CRELD2: variants seen among roughly 807,000 people sequenced by gnomAD.
CRELD2 encodes the protein CRELD disulfide isomerase 2.
A neutral mutation model predicts 48.1 loss-of-function variants in CRELD2; 33 were observed. That is an observed-to-expected ratio of 0.69 (90% CI 0.52 to 0.92). The LOEUF is 0.92. CRELD2 is among the 40% of genes least tolerant of loss of function. The pLI is 0.00. For synonymous variants in CRELD2, 220 were observed against 203.9 expected (o/e 1.08, Z -0.67); for missense variants, 477 against 482.4 (o/e 0.99, Z 0.10).
At chr22:49,927,222 C>G in intron 9 of CRELD2, 33 bp from the exon 10 acceptor site, 1 of 1,604,954 alleles carries the variant, frequency 6.2e-7, no homozygotes, top group Non-Finnish European at 8.5e-7. Context: ...CCTTTGTGCT[C>G]AGCCTTGACG....
chr22:49,923,766 TA>T (rs2060728479), intron 7 of CRELD2: 2 of 298,806 alleles, frequency 6.7e-6, no homozygotes, highest in Non-Finnish European at 1.3e-5. Flanking sequence ...TTTCAACTTA[TA>T]AACTGTGAAC....
At position 49,922,358 on chromosome 22, in the gene CRELD2, C is replaced by T. The variant is rs755063333; in HGVS notation, c.593-254C>T. On this transcript the variant is annotated intron_variant, in intron 5 of 9. Transcript: ENST00000328268. Reference sequence around the variant, plus strand: ...GTCTGTCTCTTGGATGTTGGCGTGGCGTGGGCCACGCATGGATCCGTGGCC... The same window carrying T: ...GTCTGTCTCTTGGATGTTGGCGTGGTGTGGGCCACGCATGGATCCGTGGCC... 2.4e-5 allele frequency: 39 copies of T among 1,610,950 alleles called. No individual in the cohort carries two copies. Among genetic ancestry groups the T allele is most frequent in the Middle Eastern group, 1.6e-4 (1 of 6,078 alleles).
intron 7 of CRELD2, 108 bp downstream of exon 7, chr22:49,923,425 C>G (rs769581013): frequency 2.8e-5 from 23 of 834,816 alleles, no homozygotes; most frequent in Non-Finnish European, 4.0e-5. Flanking sequence ...ATCCTGCCTG[C>G]CCTGAGAACA....
chr22:49,919,929 G>C, intron 3 of CRELD2, 89 bp downstream of exon 3: 1 of 1,066,242 alleles, frequency 9.4e-7, no homozygotes, highest in Non-Finnish European at 1.4e-6. Context: ...TACAGGAACA[G>C]TAGGGAGCTC....
chr22:49,919,337 G>A, intron 2 of CRELD2, 25 bp downstream of exon 2: 1 of 1,606,728 alleles, frequency 6.2e-7, no homozygotes, highest in African/African-American at 1.3e-5. Flanking sequence ...GCACCCCTGT[G>A]GGTCTTGGCC....
At chr22:49,920,281 C>T (rs371045417) in intron 4 of CRELD2, 34 bp downstream of exon 4, 76 of 1,372,478 alleles carry the variant, frequency 5.5e-5, no homozygotes, top group Admixed American at 8.6e-5. Flanking sequence ...CCATCTCCTA[C>T]GTCACTTCCC....
At chr22:49,925,313 C>T (rs574582658) in intron 8 of CRELD2, 104 bp from the exon 9 acceptor site, 5 of 803,114 alleles carry the variant, frequency 6.2e-6, no homozygotes, top group Admixed American at 2.4e-5. Flanking sequence ...CGTTTGTCAT[C>T]GTTGTGCTTT....
intron 9 of CRELD2, 23 bp downstream of exon 9, chr22:49,925,580 A>G (rs780563970): frequency 1.2e-5 from 20 of 1,612,458 alleles, no homozygotes; most frequent in Non-Finnish European, 1.7e-5. Context: ...GCTGCCCTCC[A>G]CACAGGCTGC....
At position 49,922,370 on chromosome 22, in the gene CRELD2, A is replaced by G. The variant is rs548409518; in HGVS notation, c.593-242A>G. On this transcript the variant is annotated intron_variant, in intron 5 of 9. Coordinates refer to ENST00000328268, the MANE Select transcript of CRELD2 (RefSeq NM_024324.5). ...GATGTTGGCGTGGCGTGGGCCACGC[A>G]TGGATCCGTGGCCGGAACACGCACA... 389 of 1,611,274 alleles carry G rather than the reference A, an allele frequency of 2.4e-4. 5 individuals carry two copies. The South Asian group carries it at 4.0e-3, about 16-fold the overall frequency.
intron 2 of CRELD2, 77 bp downstream of exon 2, chr22:49,919,389 T>TC: frequency 2.2e-6 from 3 of 1,352,090 alleles, no homozygotes; most frequent in Non-Finnish European, 3.2e-6. Flanking sequence ...TTGGTGCCTG[T>TC]GTTAATGACA....
chr22:49,927,153 C>A, intron 9 of CRELD2, 102 bp from the exon 10 acceptor site: 1 of 1,047,534 alleles, frequency 9.5e-7, no homozygotes, highest in South Asian at 1.3e-5. Flanking sequence ...TGAGCCAGGA[C>A]TGGACGGGCA....
intron 7 of CRELD2, chr22:49,923,818 G>T: frequency 3.8e-6 from 1 of 260,360 alleles, no homozygotes; most frequent in Non-Finnish European, 7.5e-6. Flanking sequence ...GATTTTCTGT[G>T]GATTAATTTC....
intron 9 of CRELD2, chr22:49,925,861 G>C (rs950596174): frequency 1.3e-6 from 1 of 750,908 alleles, no homozygotes; most frequent in Non-Finnish European, 1.8e-6. Context: ...AGAAGAGGCA[G>C]CTAAAGAGCT....
At position 49,919,360 on chromosome 22, in the gene CRELD2, G is replaced by A. The variant is rs748447335; in HGVS notation, c.212+48G>A. 4 of 1,557,266 alleles carry A rather than the reference G, an allele frequency of 2.6e-6. No individual in the cohort carries two copies. In the African/African-American group the frequency reaches 5.4e-5, roughly 21 times the overall value. On this transcript the variant is annotated intron_variant, in intron 2 of 9. Coordinates refer to ENST00000328268, the MANE Select transcript of CRELD2 (RefSeq NM_024324.5). ...GTGGGTCTTGGCCTGGCGCTGTCCT[G>A]GGAAGTCGTGTCCTGCCTTTGGTGC...
intron 2 of CRELD2, 42 bp downstream of exon 2, chr22:49,919,354 T>G (rs1416699099): frequency 1.3e-6 from 2 of 1,583,240 alleles, no homozygotes; most frequent in East Asian, 4.5e-5. Context: ...GGCCTGGCGC[T>G]GTCCTGGGAA....
At chr22:49,921,405 T>C (rs1301109057) in intron 4 of CRELD2, 180 bp from the exon 5 acceptor site, 10 of 653,464 alleles carry the variant, frequency 1.5e-5, no homozygotes, top group African/African-American at 3.7e-5. Context: ...ACTCAGGCGA[T>C]CCACCGCCAG....
chr22:49,923,734 G>A (rs966417002), intron 7 of CRELD2: 12 of 322,136 alleles, frequency 3.7e-5, no homozygotes, highest in Non-Finnish European at 5.9e-5. Context: ...GTCTGTTGCT[G>A]GACGTTTACG....
At chr22:49,921,517 C>G (rs2146643803) in intron 4 of CRELD2, 68 bp from the exon 5 acceptor site, 1 of 1,518,152 alleles carries the variant, frequency 6.6e-7, no homozygotes. Flanking sequence ...CATGCGTTCT[C>G]TCCGTGTGAG....
At chr22:49,925,881 A>G in intron 9 of CRELD2, 1 of 578,548 alleles carries the variant, frequency 1.7e-6, no homozygotes, top group Non-Finnish European at 2.5e-6. Context: ...TGGAAAAGTC[A>G]TCCGGGGAAG....
Sources: gnomAD v4.1 joint callset for allele counts on GRCh38, gnomAD v4.1.1 for gene constraint, MANE v1.5 for transcripts, NCBI Gene and HGNC (gene_info 2026-07-23, HGNC 2026-07-21) for gene names.